Variants in DIP2B observed in about 807,000 individuals in gnomAD.
The protein encoded by DIP2B is DIP2 acetate--CoA ligase B (putative).
A neutral mutation model predicts 198.0 loss-of-function variants in DIP2B; 76 were observed. That is an observed-to-expected ratio of 0.38 (90% CI 0.32 to 0.46). The LOEUF (loss-of-function observed/expected upper bound fraction) is 0.46, where lower values mean the gene tolerates loss of function less well. Among genes scored for constraint, DIP2B ranks in the 20% least tolerant of loss-of-function variants. The pLI is 0.99. For missense variants in DIP2B, 1,559 were observed against 1,978.4 expected (o/e 0.79, Z 4.02); for synonymous variants, 701 against 739.1 (o/e 0.95, Z 0.84).
intron 7 of DIP2B, among the ~76,000 whole-genome samples, chr12:50,676,599 G>T (rs1485909650): frequency 1.3e-5 from 2 of 152,216 alleles, no homozygotes; most frequent in African/African-American, 4.8e-5. Flanking sequence ...TGAAAAAATT[G>T]CATTGGCAGA....
At chr12:50,694,159 G>T (rs1171445765) in intron 14 of DIP2B, among the ~76,000 whole-genome samples, 1 of 152,182 alleles carries the variant, frequency 6.6e-6, no homozygotes, top group African/African-American at 2.4e-5. Flanking sequence ...AAAGCATTAA[G>T]TGGGTTGGAG....
chr12:50,597,636 A>G (rs1387836694), intron 1 of DIP2B, among the ~76,000 whole-genome samples: 2 of 152,168 alleles, frequency 1.3e-5, no homozygotes, highest in Non-Finnish European at 2.9e-5. Context: ...AACACAGCAC[A>G]TGGGAGTCAG....
chr12:50,679,113 C>T (rs190867432), intron 8 of DIP2B: 1 of 515,448 alleles, frequency 1.9e-6, no homozygotes, highest in Non-Finnish European at 3.4e-6. Context: ...AGACTTTGTA[C>T]ATCCATAGAT....
intron 30 of DIP2B, among the ~76,000 whole-genome samples, chr12:50,730,326 TTTC>T (rs1484106842): frequency 1.3e-5 from 2 of 152,092 alleles, no homozygotes; most frequent in Non-Finnish European, 2.9e-5. Context: ...ACTCTTTCTT[TTTC>T]TTCTTTTTCT....
intron 9 of DIP2B, among the ~76,000 whole-genome samples, chr12:50,682,297 G>A (rs1294161635): frequency 2.0e-5 from 3 of 152,058 alleles, no homozygotes; most frequent in Non-Finnish European, 4.4e-5. Flanking sequence ...TGCATTGTTG[G>A]GTAAGGGAAC....
intron 1 of DIP2B, among the ~76,000 whole-genome samples, chr12:50,511,946 CAAAAAAAA>C (rs1294473966): frequency 3.8e-5 from 1 of 26,538 alleles, no homozygotes; most frequent in Admixed American, 4.8e-4. Context: ...GACTCCGTCT[CAAAAAAAA>C]AAAAAAAAAA....
chr12:50,664,236 A>G (rs988283831), intron 4 of DIP2B, among the ~76,000 whole-genome samples: 2 of 152,248 alleles, frequency 1.3e-5, no homozygotes, highest in African/African-American at 4.8e-5. Context: ...GGCTTTATTT[A>G]TAGTATCATA....
At chr12:50,554,339 T>G (rs1018367288) in intron 1 of DIP2B, among the ~76,000 whole-genome samples, 2 of 152,122 alleles carry the variant, frequency 1.3e-5, no homozygotes, top group African/African-American at 4.8e-5. Flanking sequence ...GTTATGACTA[T>G]GTAAATGCTG....
At chr12:50,576,189 C>T (rs1195209204) in intron 1 of DIP2B, among the ~76,000 whole-genome samples, 1 of 151,700 alleles carries the variant, frequency 6.6e-6, no homozygotes, top group East Asian at 1.9e-4. Flanking sequence ...CCTGCCTCAG[C>T]CTCCTGAGTA....
At chr12:50,735,234 T>A in intron 34 of DIP2B, 104 bp downstream of exon 34, 1 of 1,293,386 alleles carries the variant, frequency 7.7e-7, no homozygotes, top group Non-Finnish European at 1.1e-6. Context: ...GGGCAAGCCT[T>A]AATTGAAATC....
chr12:50,724,911 G>C, intron 28 of DIP2B, 25 bp downstream of exon 28: 2 of 1,606,208 alleles, frequency 1.2e-6, no homozygotes, highest in Non-Finnish European at 1.7e-6. Flanking sequence ...TCTTCTGAGG[G>C]TGGAGGGACT....
intron 1 of DIP2B, among the ~76,000 whole-genome samples, chr12:50,600,671 T>C (rs1026653769): frequency 6.6e-6 from 1 of 152,140 alleles, no homozygotes; most frequent in Non-Finnish European, 1.5e-5. Flanking sequence ...TTGGTACTTA[T>C]TTTTTTCCCC....
chr12:50,604,398 A>G (rs1958964749), intron 1 of DIP2B, among the ~76,000 whole-genome samples: 1 of 152,206 alleles, frequency 6.6e-6, no homozygotes, highest in South Asian at 2.1e-4. Flanking sequence ...TAAATAGCAC[A>G]GTAGTAGACT....
intron 4 of DIP2B, among the ~76,000 whole-genome samples, chr12:50,663,153 G>T (rs560176001): frequency 1.3e-5 from 2 of 150,852 alleles, no homozygotes; most frequent in Admixed American, 6.6e-5. Context: ...GGTGCCGGGC[G>T]CAGTGGCTCA....
chr12:50,604,037 T>C (rs568092118), intron 1 of DIP2B, among the ~76,000 whole-genome samples: 1 of 152,050 alleles, frequency 6.6e-6, no homozygotes, highest in Non-Finnish European at 1.5e-5. Flanking sequence ...TTTCTTGCAT[T>C]GTTTTGCATC....
intron 1 of DIP2B, among the ~76,000 whole-genome samples, chr12:50,608,509 C>T (rs532292914): frequency 8.6e-5 from 13 of 151,770 alleles, no homozygotes; most frequent in African/African-American, 2.7e-4. Flanking sequence ...GGCTGTAGTC[C>T]CAGCTACTCT....
At chr12:50,595,706 T>C (rs1176182373) in intron 1 of DIP2B, among the ~76,000 whole-genome samples, 2 of 152,252 alleles carry the variant, frequency 1.3e-5, no homozygotes, top group African/African-American at 4.8e-5. Flanking sequence ...GTTTTCTTAC[T>C]TTGTGACAGT....
At chr12:50,685,202 T>C (rs1220088220) in intron 10 of DIP2B, among the ~76,000 whole-genome samples, 1 of 152,192 alleles carries the variant, frequency 6.6e-6, no homozygotes, top group Non-Finnish European at 1.5e-5. Context: ...CAGGAAATCA[T>C]ATGATTGTTC....
intron 1 of DIP2B, among the ~76,000 whole-genome samples, chr12:50,546,992 T>A (rs951829825): frequency 1.3e-5 from 2 of 152,240 alleles, no homozygotes; most frequent in African/African-American, 4.8e-5. Context: ...AACTGCTTAC[T>A]CGGAGGTTCG....
Sources: allele counts gnomAD v4.1 joint callset (sites outside exome capture counted in the v4.1 genomes callset), GRCh38; gene constraint gnomAD v4.1.1; transcripts MANE v1.5; gene names NCBI Gene and HGNC (gene_info 2026-07-23, HGNC 2026-07-21).